Variants in CTNNBL1 observed in about 807,000 individuals in gnomAD.
CTNNBL1 encodes the protein catenin beta like 1.
CTNNBL1 carries 31 observed loss-of-function variants against 72.7 expected under a neutral mutation model. That is an observed-to-expected ratio of 0.43 (90% CI 0.32 to 0.58). The LOEUF is 0.58. Among genes scored for constraint, CTNNBL1 ranks in the 20% least tolerant of loss-of-function variants. CTNNBL1 has a pLI of 0.08. For missense variants in CTNNBL1, 534 were observed against 725.1 expected (o/e 0.74, Z 3.03); for synonymous variants, 240 against 267.3 (o/e 0.90, Z 1.00).
intron 11 of CTNNBL1, among the ~76,000 whole-genome samples, chr20:37,834,206 C>T (rs1466383419): frequency 6.6e-6 from 1 of 152,124 alleles, no homozygotes; most frequent in African/African-American, 2.4e-5. Flanking sequence ...TTCTGATACC[C>T]TCTCTGTGCC....
intron 15 of CTNNBL1, among the ~76,000 whole-genome samples, chr20:37,867,918 G>A (rs555330367): frequency 8.5e-5 from 13 of 152,302 alleles, no homozygotes; most frequent in South Asian, 4.2e-4. Flanking sequence ...CAGCTTCCCC[G>A]GGCAGTGGAT....
intron 1 of CTNNBL1, among the ~76,000 whole-genome samples, chr20:37,726,096 C>A (rs539014952): frequency 6.6e-6 from 1 of 152,124 alleles, no homozygotes; most frequent in Non-Finnish European, 1.5e-5. Flanking sequence ...AAAACTGAAG[C>A]GTAGAGGGAG....
rs1459205664 is a variant in CTNNBL1, at chr20:37,725,405, T to C, written c.31-7474T>C. The stretch of plus-strand genomic sequence containing the variant: ...TCTGCCTCCCCAGTTCTAGCAACTC[T>C]CCTGCCTCAGGCTCCCCAGTAGCTG... On this transcript the variant is annotated intron_variant, in intron 1 of 15. Coordinates refer to ENST00000361383, the MANE Select transcript of CTNNBL1 (RefSeq NM_030877.5). Among the ~76,000 whole-genome samples the C allele has an allele frequency of 3.3e-5, 5 of 151,986 alleles. No homozygotes were observed. In the East Asian group the frequency reaches 9.8e-4, roughly 30 times the overall value.
chr20:37,796,715 G>T (rs564089922), intron 10 of CTNNBL1, among the ~76,000 whole-genome samples: 55 of 152,230 alleles, frequency 3.6e-4, no homozygotes, highest in Non-Finnish European at 4.4e-4. Flanking sequence ...TTCAATGACA[G>T]GTGTTTATTT....
intron 13 of CTNNBL1, 58 bp from the exon 14 acceptor site, chr20:37,859,841 C>A: frequency 1.3e-6 from 2 of 1,580,432 alleles, no homozygotes; most frequent in South Asian, 2.3e-5. Flanking sequence ...ACTAGGAGTC[C>A]ATTCTTTCCT....
At chr20:37,767,123 C>CA (rs1474207433) in intron 6 of CTNNBL1, among the ~76,000 whole-genome samples, 2 of 152,000 alleles carry the variant, frequency 1.3e-5, no homozygotes, top group African/African-American at 4.8e-5. Context: ...AATTCACACC[C>CA]AATGTGTTCT....
At chr20:37,861,581 C>T (rs1457470571) in intron 15 of CTNNBL1, among the ~76,000 whole-genome samples, 1 of 152,210 alleles carries the variant, frequency 6.6e-6, no homozygotes, top group African/African-American at 2.4e-5. Flanking sequence ...GAGAGCTTAC[C>T]TTTCAGTTGC....
chr20:37,791,840 C>T (rs982635808), intron 10 of CTNNBL1, among the ~76,000 whole-genome samples: 40 of 152,142 alleles, frequency 2.6e-4, no homozygotes, highest in African/African-American at 8.9e-4. Context: ...TCCCCTGCCC[C>T]GTGGAAAAAC....
At chr20:37,842,193 G>A (rs2072309681) in intron 12 of CTNNBL1, 146 bp from the exon 13 acceptor site, 1 of 638,958 alleles carries the variant, frequency 1.6e-6, no homozygotes, top group South Asian at 1.9e-5. Context: ...GTGTCCCTAA[G>A]CAAAGCTTCT....
At chr20:37,815,196 G>A (rs1213920616) in intron 11 of CTNNBL1, among the ~76,000 whole-genome samples, 1 of 151,918 alleles carries the variant, frequency 6.6e-6, no homozygotes, top group Non-Finnish European at 1.5e-5. Context: ...TTTTAATACA[G>A]TTAGGAGCTA....
At chr20:37,776,709 G>A (rs899689103) in intron 7 of CTNNBL1, among the ~76,000 whole-genome samples, 2 of 152,176 alleles carry the variant, frequency 1.3e-5, no homozygotes, top group African/African-American at 4.8e-5. Flanking sequence ...CCAAATAGCA[G>A]AGCATGCAGC....
At chr20:37,832,899 C>G (rs1435050573) in intron 11 of CTNNBL1, among the ~76,000 whole-genome samples, 4 of 152,102 alleles carry the variant, frequency 2.6e-5, no homozygotes, top group African/African-American at 9.6e-5. Context: ...ACAGTCTGTG[C>G]TGTTCTGGAA....
At chr20:37,726,096 C>T (rs539014952) in intron 1 of CTNNBL1, among the ~76,000 whole-genome samples, 11 of 152,242 alleles carry the variant, frequency 7.2e-5, no homozygotes, top group East Asian at 3.9e-4. Context: ...AAAACTGAAG[C>T]GTAGAGGGAG....
chr20:37,849,961 G>A (rs951114245), intron 13 of CTNNBL1, among the ~76,000 whole-genome samples: 5 of 152,252 alleles, frequency 3.3e-5, no homozygotes, highest in Admixed American at 3.3e-4. Flanking sequence ...TCCTGGCACA[G>A]GGAAGTATGC....
At chr20:37,745,741 A>G (rs1429245663) in intron 3 of CTNNBL1, among the ~76,000 whole-genome samples, 2 of 152,122 alleles carry the variant, frequency 1.3e-5, no homozygotes, top group East Asian at 3.9e-4. Context: ...CCATCTCAGA[A>G]CAAACCTTCC....
intron 1 of CTNNBL1, among the ~76,000 whole-genome samples, chr20:37,697,457 C>T (rs2072803415): frequency 6.6e-6 from 1 of 152,128 alleles, no homozygotes; most frequent in Non-Finnish European, 1.5e-5. Flanking sequence ...CTGGTGCAGC[C>T]TCATAGGGGA....
At chr20:37,811,062 C>T (rs1307798015) in intron 11 of CTNNBL1, among the ~76,000 whole-genome samples, 1 of 152,180 alleles carries the variant, frequency 6.6e-6, no homozygotes, top group African/African-American at 2.4e-5. Context: ...TTGTATTCCT[C>T]CTCCTTCTAT....
chr20:37,777,121 T>C (rs559931310), intron 7 of CTNNBL1, among the ~76,000 whole-genome samples: 1 of 152,302 alleles, frequency 6.6e-6, no homozygotes, highest in East Asian at 1.9e-4. Flanking sequence ...GGAGGTAACC[T>C]TAATACCTGG....
intron 11 of CTNNBL1, among the ~76,000 whole-genome samples, chr20:37,836,110 A>G (rs1280893918): frequency 6.6e-6 from 1 of 152,270 alleles, no homozygotes; most frequent in Non-Finnish European, 1.5e-5. Context: ...GGGAATCAGT[A>G]ACAACAAAAC....
Sources: gnomAD v4.1 joint callset for allele counts (sites outside exome capture counted in the v4.1 genomes callset) on GRCh38, gnomAD v4.1.1 for gene constraint, MANE v1.5 for transcripts, NCBI Gene and HGNC (gene_info 2026-07-23, HGNC 2026-07-21) for gene names.